Variants in PDE1C observed in about 807,000 individuals in gnomAD.
The protein encoded by PDE1C is phosphodiesterase 1C.
A neutral mutation model predicts 93.1 loss-of-function variants in PDE1C; 62 were observed. The ratio of observed to expected loss-of-function variants is 0.67; its 90% confidence interval spans 0.54 to 0.82. PDE1C has a LOEUF of 0.82. Ranked by LOEUF, PDE1C falls within the 40% of genes least tolerant of loss-of-function variation. The pLI, the probability that PDE1C is intolerant of heterozygous loss-of-function variation, is 0.00. For synonymous variants in PDE1C, 325 were observed against 310.1 expected, an observed-to-expected ratio of 1.05 and a Z score of -0.50; for missense variants, 742 against 884.6, an observed-to-expected ratio of 0.84 and a Z score of 2.04.
chr7:32,113,986 G>C (rs373310695), intron 3 of PDE1C, among the ~76,000 whole-genome samples: 1 of 152,042 alleles, frequency 6.6e-6, no homozygotes, highest in South Asian at 2.1e-4. Context: ...GAGAGGACAC[G>C]AACACATGGA....
chr7:32,128,921 A>ATATATATATG (rs1799748787), intron 3 of PDE1C, among the ~76,000 whole-genome samples: 1 of 82,256 alleles, frequency 1.2e-5, no homozygotes, highest in African/African-American at 6.0e-5. Flanking sequence ...ATATATATAT[A>ATATATATATG]TATATATATA....
chr7:32,228,681 C>T (rs1261383381), intron 1 of PDE1C, among the ~76,000 whole-genome samples: 1 of 152,180 alleles, frequency 6.6e-6, no homozygotes, highest in Admixed American at 6.5e-5. Context: ...CAGCCCGACC[C>T]GATGGGTGAT....
chr7:32,091,831 G>A (rs1295702355), intron 3 of PDE1C, among the ~76,000 whole-genome samples: 1 of 152,196 alleles, frequency 6.6e-6, no homozygotes, highest in Non-Finnish European at 1.5e-5. Context: ...CACTGTGGCT[G>A]CTGGGTTGAG....
the PDE1C span, among the ~76,000 whole-genome samples, chr7:31,705,744 G>C: frequency 6.6e-6 from 1 of 151,764 alleles, no homozygotes; most frequent in African/African-American, 2.4e-5. Flanking sequence ...GGACTGGAAG[G>C]CGTCTCATTA....
chr7:31,928,415 T>C (rs1434658128), intron 2 of PDE1C, among the ~76,000 whole-genome samples: 1 of 152,048 alleles, frequency 6.6e-6, no homozygotes, highest in Admixed American at 6.5e-5. Context: ...AACATTCAAC[T>C]TCAGGAAATA....
chr7:31,791,737 T>C (rs554932532), intron 16 of PDE1C, among the ~76,000 whole-genome samples: 1 of 152,190 alleles, frequency 6.6e-6, no homozygotes, highest in Non-Finnish European at 1.5e-5. Context: ...AAGACCACTA[T>C]TTAACTCAGT....
intron 1 of PDE1C, among the ~76,000 whole-genome samples, chr7:32,365,549 C>T (rs573442023): frequency 6.6e-6 from 1 of 152,134 alleles, no homozygotes; most frequent in Non-Finnish European, 1.5e-5. Flanking sequence ...AGAAACAGAC[C>T]TACAGTCCAC....
chr7:31,804,105 T>G (rs1051745950), intron 16 of PDE1C, among the ~76,000 whole-genome samples: 5 of 151,826 alleles, frequency 3.3e-5, no homozygotes, highest in East Asian at 1.9e-4. Flanking sequence ...TTTCACCTTG[T>G]TGGGTGCTGG....
chr7:31,705,362 G>A, the PDE1C span, among the ~76,000 whole-genome samples: 1 of 152,138 alleles, frequency 6.6e-6, no homozygotes, highest in African/African-American at 2.4e-5. Flanking sequence ...AAGGATGGAT[G>A]GAAAATTTTG....
At chr7:31,916,674 G>A (rs1801961572) in intron 2 of PDE1C, among the ~76,000 whole-genome samples, 1 of 152,100 alleles carries the variant, frequency 6.6e-6, no homozygotes, top group South Asian at 2.1e-4. Flanking sequence ...CCTGCTTTAG[G>A]TGTCAGGAGA....
At chr7:31,723,810 T>C in the PDE1C span, among the ~76,000 whole-genome samples, 1 of 152,186 alleles carries the variant, frequency 6.6e-6, no homozygotes, top group Non-Finnish European at 1.5e-5. Flanking sequence ...TTAATTCTCG[T>C]CTACAGCATC....
intron 13 of PDE1C, among the ~76,000 whole-genome samples, chr7:31,824,513 T>A (rs1457060616): frequency 1.3e-5 from 2 of 152,096 alleles, no homozygotes; most frequent in Non-Finnish European, 2.9e-5. Flanking sequence ...GAAAGTCAGT[T>A]TCATTTCTTT....
rs148606596 is a variant in PDE1C at position 31,753,535 on chromosome 7, C to T, written c.1979G>A (p.Arg660His). Residue 660 changes from arginine to histidine, a missense_variant, in exon 18 of 18, where the codon CGT becomes CAT. By Grantham distance (29) the Arg-to-His change is conservative. This residue lies in a region of PDE1C where 454 missense variants were observed against 459.4 expected (regional missense o/e 0.99). Transcript: ENST00000396191. The stretch of plus-strand genomic sequence containing the variant: ...TGCGTAAGCAGGGCGTTTAAAATGA[C>T]GCAAAGGAGGCTTGATGACTGGCGG... ...LTLPVIKPPL[R>H]HFKRPAYASS... 9,949 of 1,610,002 alleles carry T rather than the reference C, an allele frequency of 6.2e-3. 35 individuals are homozygous for T. The highest frequency in any genetic ancestry group is 6.5e-3 in the Non-Finnish European group (7,637 of 1,178,646).
intron 2 of PDE1C, among the ~76,000 whole-genome samples, chr7:31,976,686 C>A (rs1244160711): frequency 1.3e-5 from 2 of 152,208 alleles, no homozygotes; most frequent in African/African-American, 4.8e-5. Context: ...ACAATTCCAG[C>A]AGCTTTATAC....
rs1170345404 is a variant in PDE1C at position 32,121,485 on chromosome 7, GC to G, written c.308+48299del. Among the ~76,000 whole-genome samples, 7 of 152,148 alleles carry G rather than the reference GC, an allele frequency of 4.6e-5. No individual in the cohort carries two copies. In the East Asian group the frequency reaches 1.4e-3, roughly 30 times the overall value. The stretch of plus-strand genomic sequence containing the variant: ...ATGTTAAGGGCAGCCAGAGAGAAAG[GC>G]CAGGTCATCTACATAGGGAAGCCTA... On this transcript the variant is annotated intron_variant, in intron 3 of 18. Coordinates refer to the PDE1C transcript ENST00000396193.
Position 32,410,937 on chromosome 7 carries a change from T to G in PDE1C, c.310+16885A>C, listed in dbSNP as rs996125768. Among the ~76,000 whole-genome samples the G allele has an allele frequency of 2.6e-5, 4 of 152,360 alleles. No homozygotes were observed. In the East Asian group the frequency reaches 7.7e-4, roughly 29 times the overall value. On this transcript the variant is annotated intron_variant, in intron 1 of 1. Transcript: ENST00000672256. The stretch of plus-strand genomic sequence containing the variant: ...CCTGACTACACCTTCATTAAACTCT[T>G]TATTTGAACTATTTGAGCAAAATTC...
chr7:31,638,938 G>A, the PDE1C span, among the ~76,000 whole-genome samples: 6 of 151,996 alleles, frequency 3.9e-5, no homozygotes, highest in African/African-American at 7.2e-5. Flanking sequence ...CACCACACCC[G>A]CTAATTTTTG....
intron 1 of PDE1C, among the ~76,000 whole-genome samples, chr7:32,376,757 G>T (rs1026606920): frequency 6.6e-6 from 1 of 151,956 alleles, no homozygotes; most frequent in Non-Finnish European, 1.5e-5. Context: ...GCGCCATCTC[G>T]GCTCACTGCA....
At chr7:32,229,839 C>A in intron 1 of PDE1C, among the ~76,000 whole-genome samples, 1 of 152,172 alleles carries the variant, frequency 6.6e-6, no homozygotes, top group East Asian at 1.9e-4. Flanking sequence ...TGGAATCTAA[C>A]AAGAGCTAAC....
Sources: allele counts gnomAD v4.1 joint callset (sites outside exome capture counted in the v4.1 genomes callset), GRCh38; gene constraint gnomAD v4.1.1; regional missense constraint gnomAD v4.1.1; transcripts MANE v1.5; gene names NCBI Gene and HGNC (gene_info 2026-07-23, HGNC 2026-07-21).